ATP2B4: variants seen among roughly 807,000 people sequenced by gnomAD.
ATP2B4 encodes plasma membrane calcium-transporting ATPase 4.
ATP2B4 carries 39 observed loss-of-function variants against 110.3 expected under a neutral mutation model. The observed-to-expected ratio is 0.35, with a 90% CI of 0.27 to 0.46. The LOEUF (loss-of-function observed/expected upper bound fraction) is 0.46. Among genes scored for constraint, ATP2B4 ranks in the 20% least tolerant of loss-of-function variants. ATP2B4 has a pLI of 1.00. For missense variants in ATP2B4, 1,135 were observed against 1,530.9 expected, an observed-to-expected ratio of 0.74 and a Z score of 4.32; for synonymous variants, 538 against 571.7, an observed-to-expected ratio of 0.94 and a Z score of 0.84.
intron 19 of ATP2B4, 128 bp from the exon 20 acceptor site, chr1:203,727,267 C>A: frequency 9.2e-7 from 1 of 1,092,296 alleles, no homozygotes; most frequent in Non-Finnish European, 1.3e-6. Flanking sequence ...CTTCTGCCCA[C>A]TGCTCTTCCA....
chr1:203,678,436 G>C (rs1571712754), intron 1 of ATP2B4, among the ~76,000 whole-genome samples: 1 of 103,612 alleles, frequency 9.7e-6, no homozygotes, highest in Non-Finnish European at 1.8e-5. Context: ...CACTTGGTTT[G>C]CCCAGGCTGA....
At chr1:203,716,404 T>C (rs1031218018) in intron 15 of ATP2B4, among the ~76,000 whole-genome samples, 3 of 145,490 alleles carry the variant, frequency 2.1e-5, no homozygotes, top group African/African-American at 7.5e-5. Context: ...TTCTTGAGGC[T>C]GGTCACATAG....
intron 2 of ATP2B4, among the ~76,000 whole-genome samples, chr1:203,686,571 G>T (rs1665185169): frequency 6.6e-6 from 1 of 151,198 alleles, no homozygotes; most frequent in African/African-American, 2.4e-5. Flanking sequence ...CCTCGTTACA[G>T]CCCCTGGCCA....
In ATP2B4 at chr1:203,671,228, C is replaced by T. The variant is rs145753618; in HGVS notation, c.-464-11514C>T. On this transcript the variant is annotated intron_variant, in intron 1 of 20. Transcript: ENST00000357681. ...TATAGCATATTTATTAGTCAGTTCA[C>T]GCTTTCAGCTCAGTTGTGTGTATGT... Among the ~76,000 whole-genome samples, 28 of 152,314 alleles carry T rather than the reference C, an allele frequency of 1.8e-4. No individual in the cohort carries two copies. In the East Asian group the frequency reaches 4.2e-3, roughly 23 times the overall value.
intron 1 of ATP2B4, among the ~76,000 whole-genome samples, chr1:203,648,298 A>C (rs370411906): frequency 7.2e-5 from 11 of 152,114 alleles, no homozygotes; most frequent in African/African-American, 2.4e-4. Flanking sequence ...TTTTTTAAAA[A>C]AAAAATCCAA....
rs1174895699 is a variant in ATP2B4 at position 203,683,416 on chromosome 1, G to A, written c.193+18G>A. ...TGTGGAAGGTAAAGGCCATATCAGG[G>A]GTGGGGAGTTGGAGGAAGGTGGCTA... is the stretch of plus-strand genomic sequence containing the variant. On this transcript the variant is annotated intron_variant, in intron 2 of 20. Coordinates refer to ENST00000357681, the MANE Select transcript of ATP2B4 (RefSeq NM_001684.5). The A allele has an allele frequency of 6.4e-7, 1 of 1,573,376 alleles. No homozygotes were observed. Among genetic ancestry groups the A allele is most frequent in the Non-Finnish European group, 8.7e-7 (1 of 1,155,842 alleles).
At chr1:203,671,729 T>C (rs1485607433) in intron 1 of ATP2B4, among the ~76,000 whole-genome samples, 1 of 152,064 alleles carries the variant, frequency 6.6e-6, no homozygotes, top group African/African-American at 2.4e-5. Flanking sequence ...TGACTAAGGG[T>C]CCTCACCACC....
rs1428151629 is a variant in ATP2B4, at chr1:203,740,556, T to A, written c.*702T>A. 1 of 151,898 alleles carries A rather than the reference T, an allele frequency of 6.6e-6. No individual in the cohort carries two copies. The highest frequency in any genetic ancestry group is 2.4e-5 in the African/African-American group (1 of 41,406). The allele number at this position is 151,898 out of a possible 1,614,324, so 9.4% of individuals were successfully genotyped here. A position where few individuals can be genotyped will look rare whatever the true frequency, so the allele number is the denominator to read the frequency against. ...AAGAACCCTTGATTTAGTTCCAGAA[T>A]CCAACCAGTTTCTTTGTTAAAAGGG... On this transcript the variant is annotated 3_prime_UTR_variant, in exon 21 of 21. Transcript: ENST00000357681.
intron 1 of ATP2B4, among the ~76,000 whole-genome samples, chr1:203,653,634 A>T (rs6661434): frequency 0.95 from 145,282 of 152,244 alleles, 69,696 homozygotes; most frequent in East Asian, 1. Context: ...GGTCTTTATG[A>T]ATTTTCCACC....
intron 1 of ATP2B4, among the ~76,000 whole-genome samples, chr1:203,641,561 G>C (rs1160264163): frequency 6.6e-6 from 1 of 152,210 alleles, no homozygotes; most frequent in Non-Finnish European, 1.5e-5. Flanking sequence ...TGTGGATTCA[G>C]CTGGGACTGG....
intron 1 of ATP2B4, among the ~76,000 whole-genome samples, chr1:203,678,550 TGC>T (rs1368024609): frequency 6.6e-6 from 1 of 152,036 alleles, no homozygotes; most frequent in Non-Finnish European, 1.5e-5. Context: ...ACCACAGGTG[TGC>T]GCCATCATGC....
intron 1 of ATP2B4, among the ~76,000 whole-genome samples, chr1:203,630,564 GGTTAGATT>G (rs1319495356): frequency 6.6e-6 from 1 of 152,094 alleles, no homozygotes. Context: ...GTTTGGCTTA[GGTTAGATT>G]AGCTCCAAGT....
chr1:203,714,111 T>C, intron 14 of ATP2B4, 60 bp from the exon 15 acceptor site: 2 of 1,400,906 alleles, frequency 1.4e-6, no homozygotes, highest in South Asian at 2.6e-5. Flanking sequence ...TGGCGGGTGG[T>C]AGGAACTGAA....
At position 203,720,714 on chromosome 1, in the gene ATP2B4, G is replaced by A. The variant is rs1165602692; in HGVS notation, c.2572G>A (p.Ala858Thr). The A allele has an allele frequency of 1.2e-6, 2 of 1,613,298 alleles. No individual in the cohort carries two copies. Among genetic ancestry groups the A allele is most frequent in the Admixed American group, 1.7e-5 (1 of 60,000 alleles). ...LTVNVVAVIV[A>T]FTGACITQDS... ...TGTCAATGTGGTGGCCGTGATTGTA[G>A]CCTTCACTGGAGCCTGTATCACTCA... The change falls in exon 16 of 21, where the codon GCC becomes ACC. Residue 858 changes from alanine to threonine, a missense_variant. By Grantham distance (58) the Ala-to-Thr change is moderately conservative. This residue lies in a region of ATP2B4 where 70 missense variants were observed against 142.4 expected (regional missense o/e 0.49). Transcript: ENST00000357681.
chr1:203,699,220 A>G (rs1337211899), intron 3 of ATP2B4, among the ~76,000 whole-genome samples: 1 of 152,140 alleles, frequency 6.6e-6, no homozygotes, highest in Non-Finnish European at 1.5e-5. Flanking sequence ...ACTTCCCTAA[A>G]TTTGATAGTT....
At chr1:203,635,135 C>T (rs904706608) in intron 1 of ATP2B4, among the ~76,000 whole-genome samples, 14 of 152,072 alleles carry the variant, frequency 9.2e-5, no homozygotes, top group African/African-American at 9.7e-5. Flanking sequence ...CCACTACACC[C>T]GGCTAATTTT....
At chr1:203,635,976 C>A (rs1302921536) in intron 1 of ATP2B4, among the ~76,000 whole-genome samples, 3 of 152,178 alleles carry the variant, frequency 2.0e-5, no homozygotes, top group African/African-American at 7.2e-5. Flanking sequence ...AGCACCTGGG[C>A]CCTGATGAGT....
intron 1 of ATP2B4, among the ~76,000 whole-genome samples, chr1:203,628,863 G>A (rs1663171277): frequency 2.0e-5 from 3 of 152,076 alleles, no homozygotes; most frequent in African/African-American, 7.2e-5. Context: ...TACCCTCCTT[G>A]GCTGAGGGTG....
intron 20 of ATP2B4, among the ~76,000 whole-genome samples, chr1:203,734,819 A>T (rs1364460555): frequency 6.6e-6 from 1 of 152,022 alleles, no homozygotes; most frequent in Non-Finnish European, 1.5e-5. Flanking sequence ...CCTGGCCAAT[A>T]TGGTGAAACC....
Sources: allele counts gnomAD v4.1 joint callset (sites outside exome capture counted in the v4.1 genomes callset), GRCh38; gene constraint gnomAD v4.1.1; regional missense constraint gnomAD v4.1.1; transcripts MANE v1.5; gene names NCBI Gene and HGNC (gene_info 2026-07-23, HGNC 2026-07-21).